The following PICALM variants were observed in gnomAD, a reference collection of about 807,000 sequenced individuals.
PICALM encodes the protein phosphatidylinositol-binding clathrin assembly protein.
In PICALM, 40 loss-of-function variants were observed where a neutral mutation model predicts 80.5. That is an observed-to-expected ratio of 0.50 (90% confidence interval 0.39 to 0.65). The LOEUF is 0.65. Ranked by LOEUF, PICALM falls within the 30% of genes least tolerant of loss-of-function variation. The pLI, the probability that PICALM is intolerant of heterozygous loss-of-function variation, is 0.00. For synonymous variants in PICALM, 288 were observed against 260.3 expected (o/e 1.11, Z -1.02); for missense variants, 676 against 778.9 (o/e 0.87, Z 1.57).
intron 3 of PICALM, among the ~76,000 whole-genome samples, chr11:86,024,443 CTTT>C (rs11452201): frequency 7.3e-6 from 1 of 137,676 alleles, no homozygotes; most frequent in Admixed American, 7.3e-5. Context: ...TTCCCCTGAT[CTTT>C]TTTTTTTTTT....
At chr11:85,972,484 G>A (rs112873116) in intron 19 of PICALM, among the ~76,000 whole-genome samples, 2 of 152,152 alleles carry the variant, frequency 1.3e-5, no homozygotes, top group Admixed American at 6.5e-5. Context: ...GTGACGGTGA[G>A]AGCAGACCCA....
At chr11:85,985,410 G>T (rs923947101) in intron 13 of PICALM, among the ~76,000 whole-genome samples, 1 of 152,098 alleles carries the variant, frequency 6.6e-6, no homozygotes, top group African/African-American at 2.4e-5. Context: ...TGACTATTCT[G>T]TAGCGCACAC....
At chr11:86,030,232 T>A (rs1675685084) in intron 2 of PICALM, among the ~76,000 whole-genome samples, 2 of 152,160 alleles carry the variant, frequency 1.3e-5, no homozygotes, top group Non-Finnish European at 2.9e-5. Context: ...GGACAAGAAC[T>A]AGAGGGAAGA....
chr11:85,963,211 TTTCACATAAAGCTA>T (rs1424233880), intron 19 of PICALM, among the ~76,000 whole-genome samples: 1 of 152,162 alleles, frequency 6.6e-6, no homozygotes, highest in Non-Finnish European at 1.5e-5. Context: ...AAGCTGTTGC[TTTCACATAAAGCTA>T]TTCACATAAA....
chr11:86,064,094 G>C (rs2096409419), intron 1 of PICALM, among the ~76,000 whole-genome samples: 1 of 152,110 alleles, frequency 6.6e-6, no homozygotes, highest in Non-Finnish European at 1.5e-5. Flanking sequence ...GGTACAGTCT[G>C]GTATGTTATA....
At chr11:85,984,404 T>C (rs977180645) in intron 13 of PICALM, among the ~76,000 whole-genome samples, 5 of 152,048 alleles carry the variant, frequency 3.3e-5, no homozygotes, top group Non-Finnish European at 5.9e-5. Flanking sequence ...AAGATAAAAG[T>C]TTTTCTCCCT....
intron 2 of PICALM, among the ~76,000 whole-genome samples, chr11:86,030,727 T>C (rs146684932): frequency 1.7e-3 from 256 of 152,338 alleles, no homozygotes; most frequent in Middle Eastern, 3.4e-3. Flanking sequence ...AAGGCACACT[T>C]CAATCAGTCC....
chr11:86,043,601 T>G (rs1305828096), intron 1 of PICALM, among the ~76,000 whole-genome samples: 2 of 152,216 alleles, frequency 1.3e-5, no homozygotes, highest in Non-Finnish European at 2.9e-5. Flanking sequence ...ATCCTGTCTC[T>G]TTGTATCTTC....
chr11:86,029,483 CAAAAAACACACTATCA>C (rs1467036473), intron 2 of PICALM, among the ~76,000 whole-genome samples: 2 of 152,154 alleles, frequency 1.3e-5, no homozygotes, highest in Non-Finnish European at 2.9e-5. Flanking sequence ...ATGAGTTTAT[CAAAAAACACACTATCA>C]AAAAAACACA....
chr11:85,980,144 G>C (rs1166342944), intron 17 of PICALM, among the ~76,000 whole-genome samples: 1 of 152,148 alleles, frequency 6.6e-6, no homozygotes, highest in Non-Finnish European at 1.5e-5. Context: ...CATTTGCAGA[G>C]GGGCAAAAAT....
chr11:85,976,042 A>G lies in PICALM; in HGVS notation c.1839+581T>C, dbSNP rs540420452. Among the ~76,000 whole-genome samples the G allele has an allele frequency of 2.1e-4, 32 of 152,358 alleles. 1 individual carries two copies. In the East Asian group the frequency reaches 5.6e-3, roughly 27 times the overall value. On this transcript the variant is annotated intron_variant, in intron 18 of 19. Coordinates refer to ENST00000393346, the MANE Select transcript of PICALM (RefSeq NM_007166.4). ...ACCAAGGGACACGGTACTGCCTTCT[A>G]CCAGGAACAGTTCCTCAAATACATA...
At chr11:86,028,656 G>C (rs1337362912) in intron 2 of PICALM, among the ~76,000 whole-genome samples, 1 of 152,036 alleles carries the variant, frequency 6.6e-6, no homozygotes, top group East Asian at 1.9e-4. Flanking sequence ...CAGTTGGTAA[G>C]TGAACAACAG....
chr11:86,029,747 C>G (rs540905022), intron 2 of PICALM, among the ~76,000 whole-genome samples: 36 of 152,250 alleles, frequency 2.4e-4, no homozygotes, highest in African/African-American at 8.4e-4. Context: ...TACATACACG[C>G]TTGGAATTCT....
chr11:86,010,793 T>TA (rs1390521184), intron 7 of PICALM, among the ~76,000 whole-genome samples: 2 of 152,212 alleles, frequency 1.3e-5, no homozygotes, highest in South Asian at 2.1e-4. Flanking sequence ...TATAGAGAAG[T>TA]AAACAATGTA....
At chr11:86,024,730 A>G (rs1337702257) in intron 3 of PICALM, among the ~76,000 whole-genome samples, 1 of 152,138 alleles carries the variant, frequency 6.6e-6, no homozygotes, top group Non-Finnish European at 1.5e-5. Flanking sequence ...TACACCATTC[A>G]TATATATTCT....
At chr11:85,981,290 T>C in intron 16 of PICALM, 62 bp from the exon 17 acceptor site, 1 of 984,058 alleles carries the variant, frequency 1.0e-6, no homozygotes, top group South Asian at 1.3e-5. Flanking sequence ...CTTAGCTATA[T>C]ACTTATATAG....
At chr11:85,981,412 C>A (rs537640877) in intron 16 of PICALM, among the ~76,000 whole-genome samples, 184 bp from the exon 17 acceptor site, 2 of 152,192 alleles carry the variant, frequency 1.3e-5, no homozygotes, top group African/African-American at 2.4e-5. Context: ...TTGAGACCAA[C>A]CTGGCTAACA....
chr11:86,046,114 T>C (rs1160050344), intron 1 of PICALM, among the ~76,000 whole-genome samples: 2 of 152,226 alleles, frequency 1.3e-5, no homozygotes, highest in Non-Finnish European at 2.9e-5. Context: ...ATTTATTTGA[T>C]AGTCTGTCCT....
chr11:85,999,672 C>T (rs2095084184), intron 11 of PICALM, among the ~76,000 whole-genome samples: 1 of 152,208 alleles, frequency 6.6e-6, no homozygotes, highest in Non-Finnish European at 1.5e-5. Context: ...CGTAGTAAAA[C>T]TTACACTGAG....
Sources: gnomAD v4.1 joint callset for allele counts (sites outside exome capture counted in the v4.1 genomes callset) on GRCh38, gnomAD v4.1.1 for gene constraint, MANE v1.5 for transcripts, NCBI Gene and HGNC (gene_info 2026-07-23, HGNC 2026-07-21) for gene names.